The following NRG1 variants were observed in gnomAD, a reference collection of about 807,000 sequenced individuals.
The protein encoded by NRG1 is pro-neuregulin-1, membrane-bound isoform.
A neutral mutation model predicts 63.8 loss-of-function variants in NRG1; 18 were observed. The observed-to-expected ratio is 0.28, with a 90% confidence interval of 0.19 to 0.42. NRG1 has a LOEUF of 0.42. Among genes scored for constraint, NRG1 ranks in the 10% least tolerant of loss-of-function variants. The probability of loss-of-function intolerance (pLI) is 1.00; values close to 1 mark genes in which losing one functional copy is unlikely to be tolerated. For synonymous variants in NRG1, 302 were observed against 301.3 expected (o/e 1.00, Z -0.02); for missense variants, 762 against 814.7 (o/e 0.94, Z 0.79).
intron 1 of NRG1, among the ~76,000 whole-genome samples, chr8:32,123,882 C>T (rs1833781821): frequency 6.6e-6 from 1 of 151,662 alleles, no homozygotes; most frequent in Non-Finnish European, 1.5e-5. Context: ...GAATTACTAC[C>T]TTCTCAGAGT....
intron 1 of NRG1, among the ~76,000 whole-genome samples, chr8:32,485,786 A>C (rs1165447144): frequency 6.6e-6 from 1 of 152,146 alleles, no homozygotes; most frequent in African/African-American, 2.4e-5. Context: ...TTAAAGTTGT[A>C]ATCTTTTCTT....
chr8:32,425,584 C>A (rs934239518), intron 1 of NRG1, among the ~76,000 whole-genome samples: 2 of 152,268 alleles, frequency 1.3e-5, no homozygotes, highest in Admixed American at 1.3e-4. Context: ...TTCATGCTAC[C>A]ATGGTTGTTT....
rs990629900 is a variant in NRG1, at chr8:31,862,102, A to G, written c.37+222671A>G. ...TGAAATTGTATTTGGAGAGAAGGAA[A>G]CCCTGGGAAATGTTTATTTTTAAAA... On this transcript the variant is annotated intron_variant, in intron 1 of 10. Coordinates refer to the NRG1 transcript ENST00000519301. 1.4e-4 allele frequency among the ~76,000 whole-genome samples: 22 copies of G among 151,996 alleles called. No homozygotes were observed. In the East Asian group the frequency reaches 4.1e-3, roughly 28 times the overall value.
At chr8:32,378,955 T>TG (rs995651338) in intron 1 of NRG1, among the ~76,000 whole-genome samples, 2 of 151,904 alleles carry the variant, frequency 1.3e-5, no homozygotes, top group Admixed American at 1.3e-4. Context: ...GAACTCATCA[T>TG]TTTTTTTGGC....
chr8:32,160,586 G>A (rs905608232), intron 1 of NRG1, among the ~76,000 whole-genome samples: 3 of 152,178 alleles, frequency 2.0e-5, no homozygotes, highest in African/African-American at 7.2e-5. Context: ...GACATGTGAT[G>A]TGTGTGCACA....
chr8:32,503,435 C>T, intron 1 of NRG1, among the ~76,000 whole-genome samples: 1 of 150,678 alleles, frequency 6.6e-6, no homozygotes, highest in African/African-American at 2.4e-5. Context: ...TTTAAGATTT[C>T]AAGTAACCAA....
chr8:32,496,655 G>A (rs899656728), intron 1 of NRG1, among the ~76,000 whole-genome samples: 1 of 152,088 alleles, frequency 6.6e-6, no homozygotes, highest in African/African-American at 2.4e-5. Flanking sequence ...TAACCAGGGT[G>A]CATGGGATTA....
intron 1 of NRG1, among the ~76,000 whole-genome samples, chr8:32,576,097 A>T (rs1483981591): frequency 6.6e-6 from 1 of 152,206 alleles, no homozygotes; most frequent in Admixed American, 6.5e-5. Context: ...TATTTAGCAT[A>T]CGTGTCATCA....
intron 1 of NRG1, among the ~76,000 whole-genome samples, chr8:31,834,307 G>GCATGCACACACACACACA (rs1196901584): frequency 8.4e-6 from 1 of 119,432 alleles, no homozygotes; most frequent in Non-Finnish European, 1.7e-5. Context: ...GCGCACGCGC[G>GCATGCACACACACACACA]CACACACACA....
rs551017197 is a variant in NRG1 at position 31,679,153 on chromosome 8, C to T, written c.37+39722C>T. ...GTTCCAGATATCCACATGTCTGTTT[C>T]CTTTCCTCCCTCAGTTCTCTTTTCA... On this transcript the variant is annotated intron_variant, in intron 1 of 10. Coordinates refer to the NRG1 transcript ENST00000519301. Among the ~76,000 whole-genome samples, 238 of 151,970 alleles carry T rather than the reference C, an allele frequency of 1.6e-3. 2 individuals carry two copies. Among genetic ancestry groups the T allele is most frequent in the African/African-American group, 5.3e-3 (219 of 41,484 alleles).
intron 1 of NRG1, among the ~76,000 whole-genome samples, chr8:32,425,632 C>T (rs569157778): frequency 6.8e-4 from 104 of 152,244 alleles, no homozygotes; most frequent in African/African-American, 2.4e-3. Flanking sequence ...ATCTAGAGCC[C>T]ATATTGCCCA....
chr8:32,368,536 AG>A (rs1808384336), intron 1 of NRG1, among the ~76,000 whole-genome samples: 2 of 152,326 alleles, frequency 1.3e-5, no homozygotes, highest in Admixed American at 1.3e-4. Context: ...TAAGCAACAG[AG>A]TAAGTCCTCA....
chr8:32,735,237 C>T (rs776162205), intron 6 of NRG1, among the ~76,000 whole-genome samples: 1 of 152,060 alleles, frequency 6.6e-6, no homozygotes, highest in Non-Finnish European at 1.5e-5. Context: ...TATAAGTTGG[C>T]TATTGTGAAT....
downstream of NRG1, among the ~76,000 whole-genome samples, chr8:32,768,579 C>G (rs926700813): frequency 3.3e-5 from 5 of 152,188 alleles, no homozygotes; most frequent in Non-Finnish European, 1.5e-5. Context: ...TCTAACTGCT[C>G]AGGGAGGAGC....
intron 6 of NRG1, among the ~76,000 whole-genome samples, chr8:32,731,874 A>G (rs1162115828): frequency 6.6e-6 from 1 of 152,192 alleles, no homozygotes; most frequent in Admixed American, 6.5e-5. Flanking sequence ...CATGAGCCAC[A>G]TCATTGAAAA....
At chr8:32,547,753 G>A (rs980007619), upstream of NRG1, among the ~76,000 whole-genome samples, 2 of 152,060 alleles carry the variant, frequency 1.3e-5, no homozygotes, top group Non-Finnish European at 2.9e-5. Context: ...TTTCGCCTGC[G>A]TGCGACAGGG....
chr8:31,683,062 A>G (rs1808501544), intron 1 of NRG1, among the ~76,000 whole-genome samples: 2 of 152,160 alleles, frequency 1.3e-5, no homozygotes, highest in Admixed American at 1.3e-4. Flanking sequence ...CGCCCTCGGG[A>G]GAAACGATCT....
intron 1 of NRG1, among the ~76,000 whole-genome samples, chr8:32,099,064 A>T (rs952698661): frequency 2.0e-5 from 3 of 152,226 alleles, no homozygotes; most frequent in Admixed American, 6.5e-5. Context: ...TGATTAGAGA[A>T]AGCATGAAAA....
At chr8:32,570,852 G>A (rs1838436914) in intron 1 of NRG1, among the ~76,000 whole-genome samples, 1 of 152,132 alleles carries the variant, frequency 6.6e-6, no homozygotes, top group South Asian at 2.1e-4. Flanking sequence ...TATGATTATA[G>A]GGTATTGGTA....
Sources: allele counts gnomAD v4.1 joint callset (sites outside exome capture counted in the v4.1 genomes callset), GRCh38; gene constraint gnomAD v4.1.1; transcripts MANE v1.5; gene names NCBI Gene and HGNC (gene_info 2026-07-23, HGNC 2026-07-21).